The following DPP6 variants were observed in gnomAD, a reference collection of about 807,000 sequenced individuals.
The protein encoded by DPP6 is A-type potassium channel modulatory protein DPP6.
Under a neutral mutation model 122.6 loss-of-function variants are expected in DPP6, and 69 were observed. The ratio of observed to expected loss-of-function variants is 0.56; its 90% CI spans 0.46 to 0.69. DPP6 has a LOEUF of 0.69. Among genes scored for constraint, DPP6 ranks in the 30% least tolerant of loss-of-function variants. The probability of loss-of-function intolerance (pLI) is 0.00; values close to 1 mark genes in which losing one functional copy is unlikely to be tolerated. For synonymous variants in DPP6, 418 were observed against 433.1 expected (o/e 0.97, Z 0.43); for missense variants, 928 against 1,116.9 (o/e 0.83, Z 2.41).
At chr7:154,112,807 G>A (rs1279173456) in intron 1 of DPP6, among the ~76,000 whole-genome samples, 11 of 152,086 alleles carry the variant, frequency 7.2e-5, no homozygotes, top group African/African-American at 1.9e-4. Context: ...CTTGTTAACT[G>A]AAAGCACAAT....
chr7:153,880,502 T>G, the DPP6 span, among the ~76,000 whole-genome samples: 1 of 152,220 alleles, frequency 6.6e-6, no homozygotes. Context: ...AACAAAATAC[T>G]GCTTGAGTCA....
intron 10 of DPP6, among the ~76,000 whole-genome samples, chr7:154,777,310 A>T (rs577054181): frequency 4.1e-4 from 63 of 152,272 alleles, no homozygotes; most frequent in Non-Finnish European, 6.5e-4. Context: ...ATGGTTTTGC[A>T]GATGTCAGAA....
At chr7:153,981,303 C>A (rs1050010014) in intron 1 of DPP6, among the ~76,000 whole-genome samples, 7 of 152,088 alleles carry the variant, frequency 4.6e-5, no homozygotes, top group African/African-American at 7.2e-5. Flanking sequence ...TTATGTAATG[C>A]CCTTCCTTGT....
At chr7:154,588,218 G>C (rs914972795) in intron 5 of DPP6, 1 of 1,438,572 alleles carries the variant, frequency 7.0e-7, no homozygotes, top group Non-Finnish European at 9.2e-7. Flanking sequence ...GAGTGTCCCA[G>C]AGGAGGGAGG....
intron 4 of DPP6, among the ~76,000 whole-genome samples, chr7:154,553,788 G>A (rs1829812619): frequency 6.6e-6 from 1 of 150,636 alleles, no homozygotes; most frequent in Admixed American, 6.7e-5. Context: ...CAAACACTGT[G>A]TTCATATCTG....
chr7:153,832,132 GTTCTTCC>G, the DPP6 span, among the ~76,000 whole-genome samples: 1 of 152,184 alleles, frequency 6.6e-6, no homozygotes, highest in Admixed American at 6.6e-5. Flanking sequence ...TATTATATCT[GTTCTTCC>G]TCTGCAGCCT....
intron 1 of DPP6, among the ~76,000 whole-genome samples, chr7:154,211,009 G>A (rs1799711633): frequency 6.6e-6 from 1 of 152,152 alleles, no homozygotes; most frequent in African/African-American, 2.4e-5. Context: ...AGTCGATAGT[G>A]GAGCTGGGAG....
intron 8 of DPP6, among the ~76,000 whole-genome samples, chr7:154,728,460 A>C (rs992157300): frequency 1.3e-5 from 2 of 152,180 alleles, no homozygotes; most frequent in Non-Finnish European, 1.5e-5. Context: ...TAGAAGTCAG[A>C]GGGGGAAGCT....
chr7:154,347,046 G>A (rs753030404), intron 1 of DPP6, among the ~76,000 whole-genome samples: 6 of 152,064 alleles, frequency 3.9e-5, no homozygotes, highest in African/African-American at 7.3e-5. Flanking sequence ...GTGCATGCAC[G>A]TACACACACA....
intron 5 of DPP6, among the ~76,000 whole-genome samples, chr7:154,598,662 G>T (rs1833245675): frequency 6.6e-6 from 1 of 152,220 alleles, no homozygotes; most frequent in Non-Finnish European, 1.5e-5. Flanking sequence ...GTAATTCAAG[G>T]AACCTAACAA....
intron 17 of DPP6, among the ~76,000 whole-genome samples, chr7:154,858,921 A>G (rs1284097391): frequency 6.6e-6 from 1 of 152,080 alleles, no homozygotes; most frequent in Non-Finnish European, 1.5e-5. Flanking sequence ...TACCAACCCT[A>G]TGAGGTTCAA....
At chr7:154,795,177 A>G (rs1005256329) in intron 11 of DPP6, among the ~76,000 whole-genome samples, 1 of 152,132 alleles carries the variant, frequency 6.6e-6, no homozygotes, top group African/African-American at 2.4e-5. Context: ...CTGAGCCTTG[A>G]GTGTCAGTGG....
chr7:154,280,477 G>C (rs1278297501), intron 1 of DPP6, among the ~76,000 whole-genome samples: 1 of 152,110 alleles, frequency 6.6e-6, no homozygotes, highest in Non-Finnish European at 1.5e-5. Flanking sequence ...TCTTTATTTG[G>C]GGAACAGCCA....
the DPP6 span, among the ~76,000 whole-genome samples, chr7:153,839,824 G>A: frequency 2.0e-5 from 3 of 152,138 alleles, no homozygotes; most frequent in Non-Finnish European, 4.4e-5. Flanking sequence ...AGAAAATCTA[G>A]GTCTGATTCT....
At chr7:154,484,484 G>A (rs1027900010) in intron 3 of DPP6, among the ~76,000 whole-genome samples, 8 of 152,162 alleles carry the variant, frequency 5.3e-5, no homozygotes, top group African/African-American at 9.7e-5. Flanking sequence ...CTCTCCTCCC[G>A]TCTCCTCCCA....
chr7:154,490,063 CA>C (rs1303941753), intron 3 of DPP6, among the ~76,000 whole-genome samples: 1 of 152,190 alleles, frequency 6.6e-6, no homozygotes, highest in Non-Finnish European at 1.5e-5. Flanking sequence ...TGTTACAGAT[CA>C]GGGGCCCTAG....
At chr7:154,543,949 G>A (rs371425060) in intron 4 of DPP6, among the ~76,000 whole-genome samples, 6 of 132,498 alleles carry the variant, frequency 4.5e-5, no homozygotes, top group African/African-American at 1.5e-4. Flanking sequence ...AGTCGACATC[G>A]TTCCACTACA....
chr7:154,105,236 G>C (rs1251649781), intron 1 of DPP6, among the ~76,000 whole-genome samples: 1 of 152,254 alleles, frequency 6.6e-6, no homozygotes, highest in Non-Finnish European at 1.5e-5. Context: ...AAGTGGGAGA[G>C]ACCGGGCCTG....
intron 17 of DPP6, among the ~76,000 whole-genome samples, chr7:154,861,359 A>AAAAGT (rs1803381910): frequency 6.6e-6 from 1 of 152,262 alleles, no homozygotes; most frequent in Non-Finnish European, 1.5e-5. Flanking sequence ...ATTTTAAAAT[A>AAAAGT]AAAGTATTAC....
Sources: allele counts gnomAD v4.1 joint callset (sites outside exome capture counted in the v4.1 genomes callset), GRCh38; gene constraint gnomAD v4.1.1; transcripts MANE v1.5; gene names NCBI Gene and HGNC (gene_info 2026-07-23, HGNC 2026-07-21).